The following KIF20B variants were observed in gnomAD, a reference collection of about 807,000 sequenced individuals.
KIF20B encodes the protein kinesin-like protein KIF20B.
KIF20B carries 188 observed loss-of-function variants against 232.5 expected under a neutral mutation model. The ratio of observed to expected loss-of-function variants is 0.81; its 90% CI spans 0.72 to 0.91. KIF20B has a LOEUF of 0.91. Ranked by LOEUF, KIF20B falls within the 40% of genes least tolerant of loss-of-function variation. The probability of loss-of-function intolerance (pLI) is 0.00; values close to 1 mark genes in which losing one functional copy is unlikely to be tolerated. For missense variants in KIF20B, 2,154 were observed against 2,055.9 expected, an observed-to-expected ratio of 1.05 and a Z score of -0.92; for synonymous variants, 712 against 683.0, an observed-to-expected ratio of 1.04 and a Z score of -0.66.
chr10:89,765,647 C>T, intron 29 of KIF20B, among the ~76,000 whole-genome samples: 1 of 152,120 alleles, frequency 6.6e-6, no homozygotes, highest in Non-Finnish European at 1.5e-5. Context: ...TACAAGGCTA[C>T]AGTAACCAAA....
At chr10:89,768,543 A>G in intron 30 of KIF20B, 152 bp downstream of exon 30, 1 of 719,560 alleles carries the variant, frequency 1.4e-6, no homozygotes, top group Non-Finnish European at 2.3e-6. Flanking sequence ...TTATGTGTTT[A>G]CTTCTGACTT....
chr10:89,753,760 A>G (rs1190673384), intron 25 of KIF20B, among the ~76,000 whole-genome samples: 2 of 152,048 alleles, frequency 1.3e-5, no homozygotes, highest in African/African-American at 2.4e-5. Flanking sequence ...AGCTGGGACT[A>G]CAGGTACACG....
chr10:89,710,214 TG>T (rs376748117), intron 5 of KIF20B, 149 bp downstream of exon 5: 40 of 547,214 alleles, frequency 7.3e-5, no homozygotes, highest in Non-Finnish European at 8.5e-5. Context: ...TACGTATTGC[TG>T]TTTTTTTTTT....
chr10:89,760,717 A>G, intron 28 of KIF20B, 81 bp downstream of exon 28: 1 of 834,314 alleles, frequency 1.2e-6, no homozygotes, highest in Non-Finnish European at 2.0e-6. Flanking sequence ...AAGTTGCTGA[A>G]GATACCTTAC....
intron 19 of KIF20B, among the ~76,000 whole-genome samples, chr10:89,734,961 A>G (rs1841616539): frequency 1.3e-5 from 2 of 152,222 alleles, no homozygotes. Flanking sequence ...GTTGCATGTA[A>G]AATACATCCC....
At chr10:89,721,762 T>G (rs1258550142) in intron 13 of KIF20B, among the ~76,000 whole-genome samples, 2 of 152,074 alleles carry the variant, frequency 1.3e-5, no homozygotes, top group African/African-American at 4.8e-5. Flanking sequence ...ATTTCTGAAA[T>G]TACTAGAGAA....
chr10:89,713,698 A>G (rs1270927574), intron 6 of KIF20B, among the ~76,000 whole-genome samples: 1 of 152,202 alleles, frequency 6.6e-6, no homozygotes, highest in African/African-American at 2.4e-5. Flanking sequence ...TAATTAAGTC[A>G]TTTCACATGT....
intron 26 of KIF20B, among the ~76,000 whole-genome samples, chr10:89,757,040 G>GTATGTATATATATATATATATATA (rs1554852904): frequency 2.0e-4 from 22 of 110,746 alleles, no homozygotes; most frequent in Non-Finnish European, 3.0e-4. Context: ...GTGTGTGTGT[G>GTATGTATATATATATATATATATA]TATATATATA....
intron 11 of KIF20B, 21 bp from the exon 12 acceptor site, chr10:89,718,689 T>A (rs373919857): frequency 6.3e-7 from 1 of 1,591,138 alleles, no homozygotes; most frequent in East Asian, 2.2e-5. Context: ...TTACAATGTT[T>A]TCTGAAAATT....
Position 89,742,750 on chromosome 10 carries a change from A to T in KIF20B, c.3916-1058A>T, listed in dbSNP as rs894613055. Among the ~76,000 whole-genome samples, 5 of 127,700 alleles carry T rather than the reference A, an allele frequency of 3.9e-5. No individual in the cohort carries two copies. The Admixed American group carries it at 4.8e-4, about 12-fold the overall frequency. The allele number at this position is 127,700 out of a possible 152,430, so 83.8% of individuals were successfully genotyped here. ...AGTCTCACTCTGTTGCCCAGGCTGGAGTGCAGTGGCGTGATCTCGGCTCAC... is the reference window on the plus strand; with the variant it reads ...AGTCTCACTCTGTTGCCCAGGCTGGTGTGCAGTGGCGTGATCTCGGCTCAC... On this transcript the variant is annotated intron_variant, in intron 21 of 32. Coordinates refer to ENST00000371728, the MANE Select transcript of KIF20B (RefSeq NM_001284259.2).
At chr10:89,720,954 G>T (rs914951954) in intron 13 of KIF20B, among the ~76,000 whole-genome samples, 3 of 152,062 alleles carry the variant, frequency 2.0e-5, no homozygotes, top group Admixed American at 1.3e-4. Context: ...GCGATTGCCC[G>T]CCTCGGCCTC....
Position 89,714,049 on chromosome 10 carries a change from T to C in KIF20B, c.678T>C (p.Val226=), listed in dbSNP as rs1842887460. ...TTTTAAAACAATCTTTTTTTTAGGT[T>C]ACTGTGCATAATGATAGTGATGATA... ...KSALLRQIKE[V]TVHNDSDDTL... Residue 226 remains valine (V), a splice_region_variant and synonymous_variant, in exon 7 of 33, where the codon GTT becomes GTC. Transcript: ENST00000371728. 7.1e-7 allele frequency: 1 copy of C among 1,416,276 alleles called. No homozygotes were observed. The highest frequency in any genetic ancestry group is 9.5e-7 in the Non-Finnish European group (1 of 1,050,244). 87.7% of individuals were successfully genotyped at this position (1,416,276 alleles called of 1,614,324 possible). A position where few individuals can be genotyped will look rare whatever the true frequency, so the allele number is the denominator to read the frequency against.
intron 24 of KIF20B, 144 bp downstream of exon 24, chr10:89,751,615 C>A: frequency 3.9e-6 from 3 of 761,938 alleles, no homozygotes; most frequent in South Asian, 1.9e-5. Context: ...TGTCCTATTA[C>A]TTGTCATTTT....
chr10:89,724,023 A>T lies in KIF20B; in HGVS notation c.1782A>T (p.Lys594Asn). ...KKKLINEKKEKLTLEFKIREE... is the reference protein window; with the variant it reads ...KKKLINEKKENLTLEFKIREE... ...AACTGATAAATGAAAAAAAGGAAAA[A>T]TTAACCTTGGAATTTAAAATTCGAG... Residue 594 changes from lysine to asparagine, a missense_variant, in exon 14 of 33, where the codon AAA becomes AAT. Coordinates refer to ENST00000371728, the MANE Select transcript of KIF20B (RefSeq NM_001284259.2). The T allele has an allele frequency of 1.3e-6, 2 of 1,589,686 alleles. No homozygotes were observed. Among genetic ancestry groups the T allele is most frequent in the Non-Finnish European group, 1.7e-6 (2 of 1,171,500 alleles).
At chr10:89,772,567 G>T (rs1208136507) in intron 31 of KIF20B, 122 bp from the exon 32 acceptor site, 4 of 576,314 alleles carry the variant, frequency 6.9e-6, no homozygotes, top group Non-Finnish European at 1.2e-5. Context: ...ATATTGCAGT[G>T]TTTTTAGTTT....
At chr10:89,701,873 C>T (rs79095545) in intron 1 of KIF20B, among the ~76,000 whole-genome samples, 193 bp downstream of exon 1, 2 of 152,190 alleles carry the variant, frequency 1.3e-5, no homozygotes, top group African/African-American at 4.8e-5. Context: ...ATGAGTCATA[C>T]TAATTCGGTT....
chr10:89,754,444 T>C (rs1842079932), intron 25 of KIF20B, 74 bp from the exon 26 acceptor site: 2 of 961,678 alleles, frequency 2.1e-6, no homozygotes, highest in African/African-American at 3.4e-5. Context: ...ATGGATTGTA[T>C]GAAAATGTTA....
At chr10:89,707,542 T>A (rs1842750157) in intron 2 of KIF20B, among the ~76,000 whole-genome samples, 2 of 150,652 alleles carry the variant, frequency 1.3e-5, no homozygotes, top group African/African-American at 4.9e-5. Context: ...TCCTCTCCCC[T>A]CCACTTCTTT....
Position 89,712,712 on chromosome 10 carries a change from A to G in KIF20B, c.676-1335A>G, listed in dbSNP as rs577178370. Among the ~76,000 whole-genome samples, 12 of 152,340 alleles carry G rather than the reference A, an allele frequency of 7.9e-5. No homozygotes were observed. In the South Asian group the frequency reaches 2.1e-3, roughly 26 times the overall value. ...ATACTGTGAGGAGGTATTGTTTTAT[A>G]TAAGGTGGTACCATATAAACTTTTA... On this transcript the variant is annotated intron_variant, in intron 6 of 32. Transcript: ENST00000371728.
Sources: allele counts gnomAD v4.1 joint callset (sites outside exome capture counted in the v4.1 genomes callset), GRCh38; gene constraint gnomAD v4.1.1; transcripts MANE v1.5; gene names NCBI Gene and HGNC (gene_info 2026-07-23, HGNC 2026-07-21).